Variants in CNTN5 observed in about 807,000 individuals in gnomAD.
CNTN5 encodes contactin 5.
A neutral mutation model predicts 129.1 loss-of-function variants in CNTN5; 77 were observed. That is an observed-to-expected ratio of 0.60 (90% CI 0.50 to 0.72). The LOEUF is 0.72. Among genes scored for constraint, CNTN5 ranks in the 30% least tolerant of loss-of-function variants. The pLI is 0.00. For synonymous variants in CNTN5, 509 were observed against 465.6 expected, an observed-to-expected ratio of 1.09 and a Z score of -1.20; for missense variants, 1,478 against 1,328.8, an observed-to-expected ratio of 1.11 and a Z score of -1.75.
chr11:99,465,258 C>T (rs988533300), intron 2 of CNTN5, among the ~76,000 whole-genome samples: 1 of 152,150 alleles, frequency 6.6e-6, no homozygotes, highest in Non-Finnish European at 1.5e-5. Flanking sequence ...ATTTAGCCCC[C>T]CACAGCTTCC....
At chr11:99,227,977 T>A (rs1052595145) in intron 1 of CNTN5, among the ~76,000 whole-genome samples, 2 of 152,150 alleles carry the variant, frequency 1.3e-5, no homozygotes, top group African/African-American at 4.8e-5. Flanking sequence ...CATTAAACAT[T>A]TTGGTAATGT....
intron 1 of CNTN5, among the ~76,000 whole-genome samples, chr11:99,141,926 T>C (rs1028299207): frequency 2.0e-5 from 3 of 152,214 alleles, no homozygotes; most frequent in African/African-American, 7.2e-5. Flanking sequence ...TTTTAGAGTA[T>C]TTGCCATGTA....
At chr11:100,011,024 A>G (rs1490884855) in intron 9 of CNTN5, among the ~76,000 whole-genome samples, 1 of 152,116 alleles carries the variant, frequency 6.6e-6, no homozygotes, top group Non-Finnish European at 1.5e-5. Flanking sequence ...CTAGAGCATT[A>G]TTAGATGCAG....
intron 6 of CNTN5, among the ~76,000 whole-genome samples, chr11:99,848,973 T>G (rs1165695619): frequency 6.6e-6 from 1 of 152,166 alleles, no homozygotes; most frequent in African/African-American, 2.4e-5. Context: ...TCTTCACCTT[T>G]TACTTTTTGC....
intron 7 of CNTN5, among the ~76,000 whole-genome samples, chr11:99,950,175 T>A (rs2136144534): frequency 6.6e-6 from 1 of 152,326 alleles, no homozygotes; most frequent in South Asian, 2.1e-4. Context: ...TCACAACATC[T>A]TTAAAAATAT....
At chr11:99,500,104 T>C (rs1022715498) in intron 2 of CNTN5, among the ~76,000 whole-genome samples, 1 of 152,138 alleles carries the variant, frequency 6.6e-6, no homozygotes, top group African/African-American at 2.4e-5. Flanking sequence ...GTAATGACTA[T>C]AGGAGTAGAT....
chr11:100,266,744 T>C (rs1025121187), intron 17 of CNTN5, among the ~76,000 whole-genome samples: 8 of 151,518 alleles, frequency 5.3e-5, no homozygotes, highest in Non-Finnish European at 1.2e-4. Flanking sequence ...TAAATATGCA[T>C]AACTTTGGAA....
intron 9 of CNTN5, among the ~76,000 whole-genome samples, chr11:100,009,107 C>G (rs1483118397): frequency 6.6e-6 from 1 of 151,948 alleles, no homozygotes; most frequent in East Asian, 1.9e-4. Context: ...CCAAATTTAC[C>G]AACCTGCCTC....
chr11:99,173,661 G>C (rs1000937466), intron 1 of CNTN5, among the ~76,000 whole-genome samples: 1 of 152,154 alleles, frequency 6.6e-6, no homozygotes, highest in African/African-American at 2.4e-5. Context: ...ACATAGAAAA[G>C]GTGAGAAGAA....
At chr11:99,432,393 A>G (rs1239468471) in intron 2 of CNTN5, among the ~76,000 whole-genome samples, 1 of 151,390 alleles carries the variant, frequency 6.6e-6, no homozygotes, top group Non-Finnish European at 1.5e-5. Flanking sequence ...TAGAAGATTT[A>G]ACCAGAGTTG....
chr11:100,284,117 TG>T (rs1399693044), intron 18 of CNTN5, among the ~76,000 whole-genome samples: 3 of 152,234 alleles, frequency 2.0e-5, no homozygotes, highest in Non-Finnish European at 4.4e-5. Flanking sequence ...TTCTGTGTTG[TG>T]GGGCCACTGC....
chr11:99,655,031 G>C (rs1385531776), intron 3 of CNTN5, among the ~76,000 whole-genome samples: 1 of 151,758 alleles, frequency 6.6e-6, no homozygotes, highest in Non-Finnish European at 1.5e-5. Context: ...TGGTGGAAGA[G>C]TGCTGCGTGA....
At chr11:99,031,809 A>G (rs1474243270) in intron 1 of CNTN5, among the ~76,000 whole-genome samples, 10 of 151,298 alleles carry the variant, frequency 6.6e-5, no homozygotes, top group Admixed American at 6.6e-4. Context: ...GTACATGTGC[A>G]CAATGTGCAG....
Position 99,201,074 on chromosome 11 carries a change from G to C in CNTN5, c.-209-124272G>C, listed in dbSNP as rs936589319. Among the ~76,000 whole-genome samples, 7 of 127,372 alleles carry C rather than the reference G, an allele frequency of 5.5e-5. No individual in the cohort carries two copies. The Admixed American group carries it at 7.0e-4, about 13-fold the overall frequency. 83.6% of individuals were successfully genotyped at this position (127,372 alleles called of 152,430 possible). A position where few individuals can be genotyped will look rare whatever the true frequency, so the allele number is the denominator to read the frequency against. ...GAGTCTTGACCTGTCGCCCAGGCTG[G>C]AGTGCAGTGGTAGAATCTCAGCTCA... is the stretch of plus-strand genomic sequence containing the variant. On this transcript the variant is annotated intron_variant, in intron 1 of 24. Coordinates refer to ENST00000524871, the MANE Select transcript of CNTN5 (RefSeq NM_014361.4).
intron 21 of CNTN5, chr11:100,309,599 A>G (rs955072696): frequency 1.0e-4 from 101 of 983,742 alleles, no homozygotes; most frequent in Non-Finnish European, 1.1e-4. Flanking sequence ...GTTTCTCCCA[A>G]TCCATGCTTC....
At chr11:99,884,318 T>A (rs189224462) in intron 6 of CNTN5, among the ~76,000 whole-genome samples, 3 of 152,182 alleles carry the variant, frequency 2.0e-5, no homozygotes, top group African/African-American at 7.2e-5. Context: ...ATACGGAATA[T>A]AACATAACTA....
chr11:100,181,629 G>T (rs1450570233), intron 13 of CNTN5, among the ~76,000 whole-genome samples: 1 of 151,912 alleles, frequency 6.6e-6, no homozygotes, highest in Non-Finnish European at 1.5e-5. Context: ...CAATATGCTG[G>T]TTGTGATATT....
In CNTN5 at chr11:100,358,116, A is replaced by G. The variant is rs1024346926; in HGVS notation, c.*1896A>G. On this transcript the variant is annotated 3_prime_UTR_variant, in exon 25 of 25. Coordinates refer to ENST00000524871, the MANE Select transcript of CNTN5 (RefSeq NM_014361.4). ...TATAGTTTACCTTTATGAATTGTGC[A>G]TCTGAATAAAAGACAGAAAGAATAT... 2.0e-5 allele frequency: 3 copies of G among 151,884 alleles called. No homozygotes were observed. Among genetic ancestry groups the G allele is most frequent in the African/African-American group, 7.2e-5 (3 of 41,430 alleles). The allele number at this position is 151,884 out of a possible 1,614,324, so 9.4% of individuals were successfully genotyped here.
chr11:99,302,942 A>T (rs893956591), intron 1 of CNTN5, among the ~76,000 whole-genome samples: 1 of 151,452 alleles, frequency 6.6e-6, no homozygotes, highest in Non-Finnish European at 1.5e-5. Flanking sequence ...TAGCTTATAC[A>T]TATATTAGTT....
Sources: allele counts gnomAD v4.1 joint callset (sites outside exome capture counted in the v4.1 genomes callset), GRCh38; gene constraint gnomAD v4.1.1; transcripts MANE v1.5; gene names NCBI Gene and HGNC (gene_info 2026-07-23, HGNC 2026-07-21).